SPHKAP: variants seen among roughly 807,000 people sequenced by gnomAD.
SPHKAP encodes SPHK1 interactor, AKAP domain containing.
A neutral mutation model predicts 137.5 loss-of-function variants in SPHKAP; 67 were observed. That is an observed-to-expected ratio of 0.49 (90% CI 0.40 to 0.60). The LOEUF is 0.60. Ranked by LOEUF, SPHKAP falls within the 20% of genes least tolerant of loss-of-function variation. SPHKAP has a pLI of 0.00. For synonymous variants in SPHKAP, 813 were observed against 785.3 expected (o/e 1.04, Z -0.59); for missense variants, 2,097 against 2,069.3 (o/e 1.01, Z -0.26).
intron 2 of SPHKAP, chr2:228,109,466 A>T: frequency 1.4e-6 from 1 of 710,514 alleles, no homozygotes; most frequent in Non-Finnish European, 1.7e-6. Context: ...TAACTTATAA[A>T]CAAATTACAT....
chr2:228,155,482 A>G (rs150329063), intron 1 of SPHKAP, among the ~76,000 whole-genome samples: 1,608 of 152,330 alleles, frequency 0.011, 23 homozygotes, highest in African/African-American at 0.037. Flanking sequence ...TTATAACTCC[A>G]TATATTTCCA....
At chr2:228,068,515 C>T (rs530908348) in intron 3 of SPHKAP, among the ~76,000 whole-genome samples, 15 of 152,202 alleles carry the variant, frequency 9.9e-5, no homozygotes, top group South Asian at 6.2e-4. Context: ...ATAGCATGAT[C>T]GTGGCCTAAA....
In SPHKAP at chr2:228,018,380, G is replaced by A. The variant is rs1354686568; in HGVS notation, c.2474C>T (p.Thr825Ile). ...SRSHRVPDSS[T>I]ATTSSKEIYL... ...TATTTCCTTGGAGGATGTTGTAGCA[G>A]TTGAAGAATCGGGCACTCTGTGACT... is the stretch of plus-strand genomic sequence containing the variant. Residue 825 changes from threonine (T) to isoleucine (I), a missense_variant, in exon 7 of 12, where the codon ACT becomes ATT. By Grantham distance (89) the Thr-to-Ile change is moderately conservative (BLOSUM62 -1). Coordinates refer to ENST00000392056, the MANE Select transcript of SPHKAP (RefSeq NM_001142644.2). The A allele has an allele frequency of 9.3e-6, 15 of 1,614,082 alleles. No homozygotes were observed. The highest frequency in any genetic ancestry group is 1.3e-5 in the African/African-American group (1 of 74,942).
intron 3 of SPHKAP, among the ~76,000 whole-genome samples, chr2:228,105,802 C>G (rs1698327222): frequency 6.6e-6 from 1 of 152,126 alleles, no homozygotes; most frequent in Non-Finnish European, 1.5e-5. Flanking sequence ...CTTTTGCCTT[C>G]CACCATGATT....
intron 3 of SPHKAP, among the ~76,000 whole-genome samples, chr2:228,099,586 G>A (rs1041870727): frequency 3.9e-5 from 6 of 152,060 alleles, no homozygotes; most frequent in Non-Finnish European, 8.8e-5. Context: ...TTTGATAAGA[G>A]TAACACTGAA....
chr2:228,126,902 T>C (rs534767035), intron 2 of SPHKAP, among the ~76,000 whole-genome samples: 2 of 152,312 alleles, frequency 1.3e-5, no homozygotes, highest in East Asian at 1.9e-4. Flanking sequence ...TTATGAAACA[T>C]GTGAAAGAAA....
At chr2:228,140,514 A>C (rs766164772) in intron 1 of SPHKAP, among the ~76,000 whole-genome samples, 4 of 152,030 alleles carry the variant, frequency 2.6e-5, no homozygotes, top group East Asian at 1.9e-4. Context: ...GGTACTGAGC[A>C]CTCTATAGTG....
At chr2:228,133,208 G>A (rs1699315660) in intron 1 of SPHKAP, among the ~76,000 whole-genome samples, 1 of 152,016 alleles carries the variant, frequency 6.6e-6, no homozygotes, top group African/African-American at 2.4e-5. Context: ...TTGGTAGGCT[G>A]AGGCAGGAGA....
intron 3 of SPHKAP, among the ~76,000 whole-genome samples, chr2:228,075,894 G>A (rs971976319): frequency 6.6e-6 from 1 of 152,176 alleles, no homozygotes; most frequent in Non-Finnish European, 1.5e-5. Context: ...CTTAAGTAAT[G>A]GGAATCAGAG....
chr2:228,123,664 TA>T (rs1183213874), intron 2 of SPHKAP, among the ~76,000 whole-genome samples: 1 of 152,186 alleles, frequency 6.6e-6, no homozygotes, highest in Non-Finnish European at 1.5e-5. Flanking sequence ...CTCTGACTAA[TA>T]AAAATGTCTC....
At chr2:227,993,246 G>T (rs572294964) in intron 9 of SPHKAP, among the ~76,000 whole-genome samples, 1 of 152,204 alleles carries the variant, frequency 6.6e-6, no homozygotes, top group East Asian at 1.9e-4. Flanking sequence ...AATTTAAATG[G>T]GTTCTTGCTT....
chr2:227,998,363 T>G (rs1375870077), intron 7 of SPHKAP, among the ~76,000 whole-genome samples: 1 of 152,202 alleles, frequency 6.6e-6, no homozygotes, highest in African/African-American at 2.4e-5. Context: ...GAAACTCTGA[T>G]GTACAGAAAT....
chr2:228,181,609 C>T lies in SPHKAP; in HGVS notation c.-11G>A. The stretch of plus-strand genomic sequence containing the variant: ...GGAGTTGCCATCCATTGTTGGTGGG[C>T]GCCCAGAGAAGAAAGACGGAAAGTG... On this transcript the variant is annotated 5_prime_UTR_variant, in exon 1 of 12. Coordinates refer to ENST00000392056, the MANE Select transcript of SPHKAP (RefSeq NM_001142644.2). This position sits in a 1 kb window ranked among gnomAD's most constrained non-coding sequence, Gnocchi z 4.3. The T allele has an allele frequency of 6.2e-7, 1 of 1,614,066 alleles. No individual in the cohort carries two copies. Among genetic ancestry groups the T allele is most frequent in the East Asian group, 2.2e-5 (1 of 44,852 alleles).
chr2:228,120,391 C>T (rs1027399201), intron 2 of SPHKAP, among the ~76,000 whole-genome samples: 1 of 152,094 alleles, frequency 6.6e-6, no homozygotes, highest in Non-Finnish European at 1.5e-5. Context: ...TTATCTCTGA[C>T]AAATATCACA....
intron 3 of SPHKAP, among the ~76,000 whole-genome samples, chr2:228,069,158 T>C (rs1391381718): frequency 2.6e-5 from 4 of 152,096 alleles, no homozygotes; most frequent in Non-Finnish European, 5.9e-5. Context: ...TCCCAGCTAC[T>C]TGGGAGGCTG....
chr2:228,019,843 T>C lies in SPHKAP; in HGVS notation c.1011A>G (p.Ala337=), dbSNP rs1263121556. The part of the protein sequence containing the change: ...AFKGQMEKSQ[A]LYIPKDAYFS... Reference sequence around the variant, plus strand: ...AATAAGCATCTTTTGGAATATACAGTGCCTGTGATTTTTCCATTTGACCTT... The same window carrying C: ...AATAAGCATCTTTTGGAATATACAGCGCCTGTGATTTTTCCATTTGACCTT... The change falls in exon 7 of 12, where the codon GCA becomes GCG. Residue 337 remains alanine (A), a synonymous_variant. Transcript: ENST00000392056. The C allele has an allele frequency of 3.1e-6, 5 of 1,614,230 alleles. No homozygotes were observed. The highest frequency in any genetic ancestry group is 4.2e-6 in the Non-Finnish European group (5 of 1,180,038).
intron 1 of SPHKAP, among the ~76,000 whole-genome samples, chr2:228,164,684 T>A (rs1443949719): frequency 6.6e-6 from 1 of 152,174 alleles, no homozygotes; most frequent in East Asian, 1.9e-4. Context: ...GGCCCCTACC[T>A]TTCAGGTCTC....
intron 1 of SPHKAP, among the ~76,000 whole-genome samples, chr2:228,148,668 G>A (rs1404280251): frequency 6.6e-6 from 1 of 152,118 alleles, no homozygotes; most frequent in African/African-American, 2.4e-5. Context: ...ATTCCTGGGA[G>A]TGTCTCCTGG....
chr2:228,153,381 C>T (rs1268597528), intron 1 of SPHKAP, among the ~76,000 whole-genome samples: 2 of 152,078 alleles, frequency 1.3e-5, no homozygotes, highest in Non-Finnish European at 2.9e-5. Flanking sequence ...CTTTCTTTGG[C>T]TTGAAGTAAA....
Sources: allele counts gnomAD v4.1 joint callset (sites outside exome capture counted in the v4.1 genomes callset), GRCh38; gene constraint gnomAD v4.1.1; non-coding constraint Gnocchi (gnomAD v3.1); transcripts MANE v1.5; gene names NCBI Gene and HGNC (gene_info 2026-07-23, HGNC 2026-07-21).